The following ANKS1B variants were observed in gnomAD, a reference collection of about 807,000 sequenced individuals.
ANKS1B encodes ankyrin repeat and sterile alpha motif domain containing 1B.
In ANKS1B, 36 loss-of-function variants were observed where a neutral mutation model predicts 148.3. The observed-to-expected ratio is 0.24, with a 90% CI of 0.19 to 0.32. The LOEUF is 0.32. Ranked by LOEUF, ANKS1B falls within the 10% of genes least tolerant of loss-of-function variation. ANKS1B has a pLI of 1.00. For missense variants in ANKS1B, 1,157 were observed against 1,542.6 expected (o/e 0.75, Z 4.19); for synonymous variants, 542 against 560.8 (o/e 0.97, Z 0.47).
At chr12:99,281,693 A>T (rs2078481733) in intron 12 of ANKS1B, among the ~76,000 whole-genome samples, 1 of 152,252 alleles carries the variant, frequency 6.6e-6, no homozygotes, top group South Asian at 2.1e-4. Context: ...TGTGAAAAGT[A>T]AGAAACATTT....
intron 1 of ANKS1B, among the ~76,000 whole-genome samples, chr12:99,829,708 T>C (rs1444552837): frequency 6.6e-6 from 1 of 152,006 alleles, no homozygotes; most frequent in African/African-American, 2.4e-5. Flanking sequence ...TGCATGCCTG[T>C]AGTCCCAACT....
intron 14 of ANKS1B, among the ~76,000 whole-genome samples, chr12:99,179,120 G>C (rs1414160796): frequency 6.6e-6 from 1 of 152,046 alleles, no homozygotes; most frequent in African/African-American, 2.4e-5. Context: ...TAGAAAATGG[G>C]CTTAGGAAGG....
intron 8 of ANKS1B, among the ~76,000 whole-genome samples, chr12:99,750,727 C>T (rs1244082551): frequency 1.3e-5 from 2 of 151,986 alleles, no homozygotes; most frequent in Non-Finnish European, 2.9e-5. Context: ...TTTACCCATA[C>T]CACCTTTTGA....
At chr12:98,820,214 G>A (rs1017333684) in intron 19 of ANKS1B, among the ~76,000 whole-genome samples, 3 of 152,210 alleles carry the variant, frequency 2.0e-5, no homozygotes, top group Non-Finnish European at 2.9e-5. Flanking sequence ...TGGTTCACAC[G>A]ACAGCTGTGA....
At chr12:99,211,737 C>G (rs552605432) in intron 14 of ANKS1B, among the ~76,000 whole-genome samples, 12 of 152,302 alleles carry the variant, frequency 7.9e-5, no homozygotes, top group Admixed American at 2.0e-4. Context: ...GAGGGCAAGC[C>G]ATGCTAATTT....
intron 17 of ANKS1B, chr12:98,894,771 G>A (rs945906694): frequency 3.0e-6 from 3 of 985,248 alleles, no homozygotes; most frequent in Admixed American, 6.2e-5. Context: ...CAGCGAATGC[G>A]AGCGGCGAGG....
At chr12:99,363,545 G>A (rs941582032) in intron 12 of ANKS1B, among the ~76,000 whole-genome samples, 1 of 152,058 alleles carries the variant, frequency 6.6e-6, no homozygotes, top group Non-Finnish European at 1.5e-5. Context: ...TTCCAGCAGA[G>A]GCAGATTTAC....
At chr12:99,565,130 G>A (rs185959936) in intron 9 of ANKS1B, among the ~76,000 whole-genome samples, 475 of 152,178 alleles carry the variant, frequency 3.1e-3, no homozygotes, top group Admixed American at 6.8e-3. Flanking sequence ...AAATTGATCA[G>A]AATTATGGGT....
At chr12:99,306,149 C>T (rs572046848) in intron 12 of ANKS1B, among the ~76,000 whole-genome samples, 102 of 152,098 alleles carry the variant, frequency 6.7e-4, no homozygotes, top group Non-Finnish European at 1.0e-3. Flanking sequence ...TCCAGAAATT[C>T]CTGAAGTTCA....
chr12:99,691,445 T>G (rs12318818), intron 8 of ANKS1B, among the ~76,000 whole-genome samples: 4,790 of 152,288 alleles, frequency 0.031, 280 homozygotes, highest in African/African-American at 0.11. Context: ...TTGAACACTT[T>G]GCTGCTTAGA....
chr12:98,949,394 A>G (rs73382453), intron 17 of ANKS1B, among the ~76,000 whole-genome samples: 3,487 of 152,186 alleles, frequency 0.023, 145 homozygotes, highest in African/African-American at 0.08. Flanking sequence ...TAGTTAAGCA[A>G]TGTTGCCCAA....
intron 1 of ANKS1B, among the ~76,000 whole-genome samples, chr12:99,879,179 T>G (rs11110082): frequency 0.65 from 99,016 of 151,978 alleles, 33,928 homozygotes; most frequent in African/African-American, 0.8. Context: ...ATCTACAGAG[T>G]TTTTCTCTGA....
chr12:99,887,852 C>T (rs1056054532), intron 1 of ANKS1B, among the ~76,000 whole-genome samples: 2 of 152,122 alleles, frequency 1.3e-5, no homozygotes, highest in African/African-American at 2.4e-5. Flanking sequence ...CCTACTATTC[C>T]CAGTACCTCG....
intron 15 of ANKS1B, among the ~76,000 whole-genome samples, chr12:99,100,783 G>A (rs1267368964): frequency 6.6e-6 from 1 of 152,204 alleles, no homozygotes; most frequent in Non-Finnish European, 1.5e-5. Context: ...ACCCGCCTCA[G>A]ACTCCTAAAG....
intron 17 of ANKS1B, among the ~76,000 whole-genome samples, chr12:99,015,682 C>T (rs924210461): frequency 9.2e-5 from 14 of 151,956 alleles, no homozygotes; most frequent in Non-Finnish European, 1.3e-4. Context: ...CTGGCTAACA[C>T]GATGAAACAC....
chr12:99,849,737 T>A (rs377287580), intron 1 of ANKS1B, among the ~76,000 whole-genome samples: 23 of 152,098 alleles, frequency 1.5e-4, no homozygotes, highest in Admixed American at 7.9e-4. Context: ...AGAAGTCATA[T>A]AGAAAATAAC....
At chr12:99,650,902 G>C (rs200730788) in intron 9 of ANKS1B, among the ~76,000 whole-genome samples, 1 of 151,208 alleles carries the variant, frequency 6.6e-6, no homozygotes, top group Non-Finnish European at 1.5e-5. Flanking sequence ...CACATGGTTT[G>C]AGAACCAGAA....
At chr12:99,311,934 C>T (rs1221772921) in intron 12 of ANKS1B, among the ~76,000 whole-genome samples, 3 of 152,032 alleles carry the variant, frequency 2.0e-5, no homozygotes, top group Admixed American at 1.3e-4. Flanking sequence ...TTATTTTTCT[C>T]TCAAAGCAAA....
intron 8 of ANKS1B, among the ~76,000 whole-genome samples, chr12:99,674,413 A>AT (rs1567616590): frequency 6.6e-6 from 1 of 151,828 alleles, no homozygotes; most frequent in Non-Finnish European, 1.5e-5. Context: ...AGATGGCAAT[A>AT]TGAATTTAAA....
Sources: gnomAD v4.1 joint callset for allele counts (sites outside exome capture counted in the v4.1 genomes callset) on GRCh38, gnomAD v4.1.1 for gene constraint, MANE v1.5 for transcripts, NCBI Gene and HGNC (gene_info 2026-07-23, HGNC 2026-07-21) for gene names.